Variants in CALN1 observed in about 807,000 individuals in gnomAD.
CALN1 encodes the protein calneuron 1.
Under a neutral mutation model 30.6 loss-of-function variants are expected in CALN1, and 17 were observed. The observed-to-expected ratio is 0.56, with a 90% CI of 0.38 to 0.83. CALN1 has a LOEUF of 0.83. CALN1 is among the 40% of genes least tolerant of loss of function. The pLI is 0.00. For missense variants in CALN1, 291 were observed against 354.9 expected (o/e 0.82, Z 1.45); for synonymous variants, 156 against 131.4 (o/e 1.19, Z -1.28).
chr7:72,501,926 A>ATATAT, the CALN1 span, among the ~76,000 whole-genome samples: 5 of 79,496 alleles, frequency 6.3e-5, 1 homozygote, highest in African/African-American at 3.7e-4. Context: ...AAAAAAAAAA[A>ATATAT]AAATATATAT....
chr7:72,414,580 T>C (rs1807363903), upstream of CALN1, among the ~76,000 whole-genome samples: 2 of 152,342 alleles, frequency 1.3e-5, no homozygotes, highest in South Asian at 4.1e-4. Context: ...AAGTCCAGTG[T>C]TGGCCCCCAG....
intron 4 of CALN1, among the ~76,000 whole-genome samples, chr7:72,045,730 T>C (rs987771717): frequency 1.3e-5 from 2 of 152,050 alleles, no homozygotes; most frequent in Admixed American, 6.6e-5. Flanking sequence ...CCAGGTGTGG[T>C]GGCTCACACC....
chr7:72,487,896 A>AAG, the CALN1 span, among the ~76,000 whole-genome samples: 4 of 70,960 alleles, frequency 5.6e-5, no homozygotes, highest in African/African-American at 1.4e-4. Context: ...AAAGAAAAGA[A>AAG]AGAAAGAAAG....
chr7:72,369,596 G>A (rs1445575242), intron 2 of CALN1, among the ~76,000 whole-genome samples: 5 of 152,004 alleles, frequency 3.3e-5, no homozygotes, highest in African/African-American at 1.2e-4. Context: ...GCTGACCTCA[G>A]GTGATCCACC....
the CALN1 span, among the ~76,000 whole-genome samples, chr7:72,499,390 A>C: frequency 3.9e-5 from 6 of 152,236 alleles, no homozygotes; most frequent in Non-Finnish European, 7.3e-5. Context: ...GGAACACTAC[A>C]AATTATTAAT....
chr7:71,917,024 C>T (rs1330823393), intron 5 of CALN1, among the ~76,000 whole-genome samples: 2 of 152,100 alleles, frequency 1.3e-5, no homozygotes, highest in Non-Finnish European at 2.9e-5. Context: ...AGAAGACAAA[C>T]ACCAACATAT....
intron 2 of CALN1, among the ~76,000 whole-genome samples, chr7:72,338,525 G>GTCTGTCTGTCTGTCTGTC (rs1554378748): frequency 8.2e-6 from 1 of 122,292 alleles, no homozygotes; most frequent in African/African-American, 3.1e-5. Context: ...GTGTGTGTGT[G>GTCTGTCTGTCTGTCTGTC]TGTCTCACCT....
At chr7:72,451,029 T>C (rs1808644680), upstream of CALN1, among the ~76,000 whole-genome samples, 1 of 151,714 alleles carries the variant, frequency 6.6e-6, no homozygotes, top group Non-Finnish European at 1.5e-5. Flanking sequence ...CTACAGTTCA[T>C]ATCTTCCCCC....
intron 2 of CALN1, among the ~76,000 whole-genome samples, chr7:72,300,682 T>C (rs903193592): frequency 1.3e-5 from 2 of 152,204 alleles, no homozygotes; most frequent in Non-Finnish European, 2.9e-5. Context: ...TATTTAAGTA[T>C]AAACTGTATT....
In CALN1 at chr7:72,241,452, A is replaced by G. The variant is rs143067943; in HGVS notation, c.244+37234T>C. Among the ~76,000 whole-genome samples, 778 of 152,284 alleles carry G rather than the reference A, an allele frequency of 5.1e-3. 8 individuals are homozygous for G. The highest frequency in any genetic ancestry group is 0.017 in the African/African-American group (720 of 41,554). ...CCGGGTGCAGGGGCTCACACCTGTA[A>G]TCCCAGCACTTTTGGAGGCCAAGGC... On this transcript the variant is annotated intron_variant, in intron 3 of 6. Transcript: ENST00000395275.
rs3032247 is a variant in CALN1 at position 72,268,793 on chromosome 7, C to CCACACACACACA, written c.244+9881_244+9892dup. Among the ~76,000 whole-genome samples the CCACACACACACA allele has an allele frequency of 1.4e-3, 201 of 145,934 alleles. 1 individual carries two copies. The highest frequency in any genetic ancestry group is 4.0e-3 in the African/African-American group (156 of 39,136). The stretch of plus-strand genomic sequence containing the variant: ...GCCTGGGCAACAGAGCAAGACCCTG[C>CCACACACACACA]CACACACACACACACACACACACAC... On this transcript the variant is annotated intron_variant, in intron 3 of 6. Transcript: ENST00000395275.
intron 3 of CALN1, among the ~76,000 whole-genome samples, chr7:72,214,377 G>A (rs911340726): frequency 2.0e-5 from 3 of 152,096 alleles, no homozygotes; most frequent in Admixed American, 6.6e-5. Context: ...CTACTCAGGA[G>A]GCTGAGGCAG....
chr7:71,950,299 C>T (rs1013325561), intron 5 of CALN1, among the ~76,000 whole-genome samples: 1 of 152,090 alleles, frequency 6.6e-6, no homozygotes, highest in Non-Finnish European at 1.5e-5. Context: ...CATCATTTTA[C>T]AGGTGAGGAA....
At chr7:71,854,712 A>G (rs1400712608) in intron 5 of CALN1, among the ~76,000 whole-genome samples, 1 of 152,252 alleles carries the variant, frequency 6.6e-6, no homozygotes, top group Non-Finnish European at 1.5e-5. Context: ...CTCTCGAAAG[A>G]TCACAGAAAT....
At chr7:72,053,574 A>AT (rs796915679) in intron 4 of CALN1, among the ~76,000 whole-genome samples, 68 of 149,358 alleles carry the variant, frequency 4.6e-4, no homozygotes, top group Middle Eastern at 3.5e-3. Context: ...AGCATGTGTC[A>AT]TTTTTTTTTT....
At chr7:72,120,899 C>A (rs905872287) in intron 3 of CALN1, among the ~76,000 whole-genome samples, 6 of 151,880 alleles carry the variant, frequency 4.0e-5, no homozygotes, top group African/African-American at 9.7e-5. Context: ...GAAAGACACA[C>A]GAGCATCTGA....
At chr7:72,228,927 ATT>A (rs1212504623) in intron 3 of CALN1, among the ~76,000 whole-genome samples, 4 of 119,068 alleles carry the variant, frequency 3.4e-5, no homozygotes, top group African/African-American at 6.4e-5. Flanking sequence ...ATGCCTGGCA[ATT>A]TTTTTTTTTT....
At chr7:72,308,132 G>A (rs10282511) in intron 2 of CALN1, among the ~76,000 whole-genome samples, 46,800 of 151,806 alleles carry the variant, frequency 0.31, 7,733 homozygotes, top group Non-Finnish European at 0.37. Context: ...GGGGGGCCGA[G>A]GCAGGTGGAT....
At chr7:72,100,753 G>T (rs1402710549) in intron 4 of CALN1, among the ~76,000 whole-genome samples, 1 of 145,048 alleles carries the variant, frequency 6.9e-6, no homozygotes, top group African/African-American at 2.6e-5. Flanking sequence ...CTGGGAGGCG[G>T]AGCTTGCAGT....
Sources: gnomAD v4.1 joint callset for allele counts (sites outside exome capture counted in the v4.1 genomes callset) on GRCh38, gnomAD v4.1.1 for gene constraint, MANE v1.5 for transcripts, NCBI Gene and HGNC (gene_info 2026-07-23, HGNC 2026-07-21) for gene names.